PCID2: variants seen among roughly 807,000 people sequenced by gnomAD.
PCID2 encodes the protein PCI domain containing 2, also known as PCI domain-containing protein 2.
PCID2 carries 41 observed loss-of-function variants against 61.3 expected under a neutral mutation model. The observed-to-expected ratio is 0.67, with a 90% CI of 0.52 to 0.87. The LOEUF (loss-of-function observed/expected upper bound fraction) is 0.87. Ranked by LOEUF, PCID2 falls within the 40% of genes least tolerant of loss-of-function variation. The pLI is 0.00. For synonymous variants in PCID2, 187 were observed against 177.8 expected (o/e 1.05, Z -0.41); for missense variants, 392 against 493.4 (o/e 0.79, Z 1.95).
chr13:113,190,052 A>G (rs1676244674), intron 7 of PCID2, among the ~76,000 whole-genome samples: 1 of 152,080 alleles, frequency 6.6e-6, no homozygotes, highest in Admixed American at 6.5e-5. Context: ...AAAATAAACA[A>G]AGACTAACAG....
the PCID2 span, chr13:113,171,560 A>C: frequency 3.1e-6 from 5 of 1,613,634 alleles, no homozygotes; most frequent in Non-Finnish European, 3.4e-6. This position sits in a 1 kb window ranked among gnomAD's most constrained non-coding sequence, Gnocchi z 5.1. Context: ...TGAAAATCAG[A>C]CTGTAAAGAA....
intron 1 of PCID2, among the ~76,000 whole-genome samples, chr13:113,204,358 G>C (rs1027812113): frequency 1.3e-5 from 2 of 152,224 alleles, no homozygotes; most frequent in Non-Finnish European, 2.9e-5. Flanking sequence ...CTGTGGAATG[G>C]AAGCATACTT....
intron 1 of PCID2, among the ~76,000 whole-genome samples, chr13:113,205,934 T>G (rs1429352231): frequency 6.6e-6 from 1 of 152,256 alleles, no homozygotes; most frequent in South Asian, 2.1e-4. Flanking sequence ...TTTAAAATGG[T>G]TAAATGGTAT....
chr13:113,198,115 A>C, intron 3 of PCID2, 76 bp downstream of exon 3: 1 of 985,296 alleles, frequency 1.0e-6, no homozygotes, highest in East Asian at 2.4e-5. Context: ...CAAGCACAAG[A>C]TAATGCAAGA....
At chr13:113,206,169 A>G (rs2039794682) in intron 1 of PCID2, among the ~76,000 whole-genome samples, 1 of 152,114 alleles carries the variant, frequency 6.6e-6, no homozygotes, top group Non-Finnish European at 1.5e-5. Flanking sequence ...TTACTAAGTA[A>G]ATGCATTTAC....
At chr13:113,180,107 C>T (rs1290773772) in intron 11 of PCID2, 51 bp downstream of exon 11, 1 of 1,613,598 alleles carries the variant, frequency 6.2e-7, no homozygotes, top group East Asian at 2.2e-5. Flanking sequence ...CGTCAACTCT[C>T]ATCAGGCTTG....
In PCID2 at chr13:113,177,853, C is replaced by T. The variant is rs950806042; in HGVS notation, c.*345G>A. On this transcript the variant is annotated 3_prime_UTR_variant, in exon 14 of 14. Coordinates refer to ENST00000337344, the MANE Select transcript of PCID2 (RefSeq NM_001127202.4). ...ATAAATTCAGAATACGCTTTTTACA[C>T]AAAGAACTACAAAAAGTTACAAAGA... 7 of 178,318 alleles carry T rather than the reference C, an allele frequency of 3.9e-5. No homozygotes were observed. Among genetic ancestry groups the T allele is most frequent in the Non-Finnish European group, 8.4e-5 (7 of 83,230 alleles). 11.0% of individuals were successfully genotyped at this position (178,318 alleles called of 1,614,324 possible).
In PCID2 at chr13:113,179,962, AG is replaced by A; in HGVS notation, c.940del (p.Leu314TrpfsTer4). On this transcript the variant is annotated frameshift_variant, in exon 12 of 14. Coordinates refer to ENST00000337344, the MANE Select transcript of PCID2 (RefSeq NM_001127202.4). LOFTEE classifies it high-confidence loss of function. The surrounding 1 kb of genome is among the most constrained non-coding windows in gnomAD (Gnocchi z 4.3). Reference sequence around the variant, plus strand: ...GTAGGTGATGATCTTCAGCTTCTCCAGGATGAGGAAGATTCCGCAGCGAATG... The same window carrying A: ...GTAGGTGATGATCTTCAGCTTCTCCAGATGAGGAAGATTCCGCAGCGAATG... ...FFIRCGIFLILEKLKIITYRN... is the reference protein window; with the variant it reads ...FFIRCGIFLIXEKLKIITYRN... 6.2e-7 allele frequency: 1 copy of A among 1,613,952 alleles called. No individual in the cohort carries two copies. Among genetic ancestry groups the A allele is most frequent in the Non-Finnish European group, 8.5e-7 (1 of 1,179,898 alleles).
At chr13:113,207,908 T>C (rs1464081317) in intron 1 of PCID2, 6 of 916,980 alleles carry the variant, frequency 6.5e-6, no homozygotes, top group Non-Finnish European at 1.1e-5. Context: ...CCATTCCCTA[T>C]ATTTCCTATC....
At chr13:113,203,373 C>T (rs2031183) in intron 1 of PCID2, among the ~76,000 whole-genome samples, 3,705 of 152,218 alleles carry the variant, frequency 0.024, 86 homozygotes, top group East Asian at 0.073. Context: ...GGGTGCAAGA[C>T]GATTTGGGCC....
intron 1 of PCID2, chr13:113,208,027 C>G (rs1465897718): frequency 6.2e-7 from 1 of 1,612,374 alleles, no homozygotes; most frequent in Non-Finnish European, 8.5e-7. Context: ...TACTTACAAG[C>G]TGTTGAACAA....
At chr13:113,166,918 G>A in the PCID2 span, among the ~76,000 whole-genome samples, 4 of 152,202 alleles carry the variant, frequency 2.6e-5, no homozygotes, top group African/African-American at 9.7e-5. Context: ...GCAAGGCTAA[G>A]AGCCATATAA....
chr13:113,178,921 T>C, intron 13 of PCID2, 45 bp downstream of exon 13: 1 of 1,579,730 alleles, frequency 6.3e-7, no homozygotes, highest in Non-Finnish European at 8.6e-7. Flanking sequence ...CTGGGCTGAA[T>C]CTTGCTGTGA....
At chr13:113,195,200 C>G in intron 5 of PCID2, 75 bp from the exon 6 acceptor site, 1 of 889,814 alleles carries the variant, frequency 1.1e-6, no homozygotes, top group Non-Finnish European at 1.9e-6. Context: ...GGGAAGAACA[C>G]GGACACCCAG....
At position 113,206,615 on chromosome 13, in the gene PCID2, CAT is replaced by C. The variant is rs1240890976; in HGVS notation, c.36+1982_36+1983del. Among the ~76,000 whole-genome samples the C allele has an allele frequency of 8.5e-5, 13 of 152,306 alleles. 1 individual carries two copies. The highest frequency in any genetic ancestry group is 8.3e-4 in the South Asian group (4 of 4,832). On this transcript the variant is annotated intron_variant, in intron 1 of 13. Transcript: ENST00000337344. Reference sequence around the variant, plus strand: ...TTATGTTCCTATACAACAAATCAAACATGTGTTACCATGTATAACCGGTTGCC... The same window carrying C: ...TTATGTTCCTATACAACAAATCAAACGTGTTACCATGTATAACCGGTTGCC...
Position 113,179,165 on chromosome 13 carries a change from T to A in PCID2, c.987-76A>T. ...TCCACAGCCAAGAAAAGGCACCTCT[T>A]AATAAGCCGGTGTTCTAAAGGAGTA... On this transcript the variant is annotated intron_variant, in intron 12 of 13. Transcript: ENST00000337344. The surrounding 1 kb of genome is among the most constrained non-coding windows in gnomAD (Gnocchi z 4.3). The A allele has an allele frequency of 7.4e-7, 1 of 1,359,344 alleles. No homozygotes were observed. The highest frequency in any genetic ancestry group is 1.0e-6 in the Non-Finnish European group (1 of 986,634). The allele number at this position is 1,359,344 out of a possible 1,614,324, so 84.2% of individuals were successfully genotyped here.
chr13:113,197,563 C>T (rs567120522), intron 3 of PCID2, among the ~76,000 whole-genome samples: 1 of 152,324 alleles, frequency 6.6e-6, no homozygotes, highest in South Asian at 2.1e-4. Context: ...TGGGTAATGT[C>T]AGTGTTAGTT....
At chr13:113,176,243 G>A (rs115508487), downstream of PCID2, among the ~76,000 whole-genome samples, 1,100 of 152,324 alleles carry the variant, frequency 7.2e-3, 18 homozygotes, top group African/African-American at 0.025. Flanking sequence ...TTGCAAAGAT[G>A]AGCTCTTATA....
At chr13:113,192,360 A>T (rs1336301693) in intron 6 of PCID2, among the ~76,000 whole-genome samples, 5 of 152,272 alleles carry the variant, frequency 3.3e-5, no homozygotes, top group Non-Finnish European at 7.3e-5. Context: ...TGAGAAGCAT[A>T]CAGCACTTCT....
Sources: gnomAD v4.1 joint callset for allele counts (sites outside exome capture counted in the v4.1 genomes callset) on GRCh38, gnomAD v4.1.1 for gene constraint, Gnocchi (gnomAD v3.1) non-coding constraint, MANE v1.5 for transcripts, NCBI Gene and HGNC (gene_info 2026-07-23, HGNC 2026-07-21) for gene names.